Variants in LHFPL3 observed in about 807,000 individuals in gnomAD.
LHFPL3 encodes the protein LHFPL tetraspan subfamily member 3 protein.
Under a neutral mutation model 19.3 loss-of-function variants are expected in LHFPL3, and 5 were observed. That is an observed-to-expected ratio of 0.26 (90% CI 0.14 to 0.54). The LOEUF (loss-of-function observed/expected upper bound fraction) is 0.54. LHFPL3 is among the 20% of genes least tolerant of loss of function. The pLI is 0.94. For synonymous variants in LHFPL3, 133 were observed against 126.2 expected, an observed-to-expected ratio of 1.05 and a Z score of -0.36; for missense variants, 249 against 307.4, an observed-to-expected ratio of 0.81 and a Z score of 1.42.
intron 1 of LHFPL3, among the ~76,000 whole-genome samples, chr7:104,578,275 GC>G (rs1301442111): frequency 3.3e-5 from 5 of 152,196 alleles, no homozygotes; most frequent in Non-Finnish European, 7.3e-5. Flanking sequence ...GCTTAGCTGC[GC>G]TGTGATGGGC....
chr7:104,767,581 C>G (rs1326359024), intron 2 of LHFPL3, among the ~76,000 whole-genome samples: 1 of 152,148 alleles, frequency 6.6e-6, no homozygotes, highest in African/African-American at 2.4e-5. Flanking sequence ...TCTTAGCTTC[C>G]TTTCTTATAC....
intron 1 of LHFPL3, among the ~76,000 whole-genome samples, chr7:104,390,930 G>A (rs1173406817): frequency 6.6e-6 from 1 of 152,140 alleles, no homozygotes; most frequent in Non-Finnish European, 1.5e-5. Flanking sequence ...TTCTCTGATG[G>A]CCAGTGATGA....
intron 1 of LHFPL3, among the ~76,000 whole-genome samples, chr7:104,614,982 T>C (rs948945404): frequency 1.3e-5 from 2 of 151,976 alleles, no homozygotes; most frequent in Admixed American, 1.3e-4. Context: ...CTCAAACTCC[T>C]GGGCTCAAGC....
At chr7:104,588,692 A>G (rs528561923) in intron 1 of LHFPL3, among the ~76,000 whole-genome samples, 20 of 152,294 alleles carry the variant, frequency 1.3e-4, no homozygotes, top group African/African-American at 4.1e-4. Context: ...CATTGAATCT[A>G]TAAATTACCT....
chr7:104,643,327 C>A (rs1203809166), intron 1 of LHFPL3, among the ~76,000 whole-genome samples: 1 of 152,182 alleles, frequency 6.6e-6, no homozygotes, highest in African/African-American at 2.4e-5. Flanking sequence ...ACTCAGTTTT[C>A]TCATTTTTAA....
intron 1 of LHFPL3, among the ~76,000 whole-genome samples, chr7:104,555,259 T>G (rs1023124893): frequency 6.6e-6 from 1 of 152,208 alleles, no homozygotes; most frequent in African/African-American, 2.4e-5. Flanking sequence ...TTAGCCCTCA[T>G]TAATGGGATT....
rs186083007 is a variant in LHFPL3, at chr7:104,584,319, G to T, written c.446-152356G>T. On this transcript the variant is annotated intron_variant, in intron 1 of 2. Transcript: ENST00000424859. ...ACTAGGGACTGTTGTGGGGTGGGGG[G>T]AGAGGGGAGGGATAGCATTAGGAGA... is the stretch of plus-strand genomic sequence containing the variant. Among the ~76,000 whole-genome samples, 449 of 151,988 alleles carry T rather than the reference G, an allele frequency of 3.0e-3. 1 individual carries two copies. The highest frequency in any genetic ancestry group is 5.5e-3 in the Non-Finnish European group (371 of 67,972).
intron 1 of LHFPL3, among the ~76,000 whole-genome samples, chr7:104,330,611 A>G (rs1313409295): frequency 6.6e-6 from 1 of 152,146 alleles, no homozygotes; most frequent in Non-Finnish European, 1.5e-5. Context: ...TTGATTTGCC[A>G]TATATTGTAA....
At chr7:104,459,326 A>T (rs1792611857) in intron 1 of LHFPL3, among the ~76,000 whole-genome samples, 1 of 152,200 alleles carries the variant, frequency 6.6e-6, no homozygotes. Context: ...TCAGGATATT[A>T]ATGTACTCTT....
chr7:104,808,038 G>A (rs964605600), intron 2 of LHFPL3, among the ~76,000 whole-genome samples: 3 of 152,200 alleles, frequency 2.0e-5, no homozygotes, highest in Admixed American at 2.0e-4. Flanking sequence ...AGAGGGAGAG[G>A]TGGCATGATA....
At chr7:104,423,433 TG>T (rs1791773450) in intron 1 of LHFPL3, among the ~76,000 whole-genome samples, 1 of 151,998 alleles carries the variant, frequency 6.6e-6, no homozygotes, top group Non-Finnish European at 1.5e-5. Context: ...GGCAAAAAAG[TG>T]GGACCCTGTC....
chr7:104,474,846 C>A (rs17137948), intron 1 of LHFPL3, among the ~76,000 whole-genome samples: 67,089 of 151,840 alleles, frequency 0.44, 15,330 homozygotes, highest in African/African-American at 0.54. Flanking sequence ...GTGGGTTCTT[C>A]TTAGTGAAGG....
intron 1 of LHFPL3, among the ~76,000 whole-genome samples, chr7:104,657,580 A>C (rs1433600027): frequency 6.6e-6 from 1 of 152,242 alleles, no homozygotes; most frequent in Non-Finnish European, 1.5e-5. Context: ...ACTTTATTAG[A>C]GAAATTGAGG....
At chr7:104,698,566 G>A (rs1584486128) in intron 1 of LHFPL3, among the ~76,000 whole-genome samples, 1 of 152,212 alleles carries the variant, frequency 6.6e-6, no homozygotes, top group African/African-American at 2.4e-5. Flanking sequence ...CAAATCATGT[G>A]TATGATAAAG....
At chr7:104,893,469 C>A (rs1251915044) in intron 2 of LHFPL3, among the ~76,000 whole-genome samples, 1 of 151,718 alleles carries the variant, frequency 6.6e-6, no homozygotes, top group Non-Finnish European at 1.5e-5. Flanking sequence ...TTGCAGTGAG[C>A]CAAGATCACG....
intron 1 of LHFPL3, among the ~76,000 whole-genome samples, chr7:104,694,887 A>G (rs1307910627): frequency 6.6e-6 from 1 of 152,260 alleles, no homozygotes; most frequent in Non-Finnish European, 1.5e-5. Context: ...GAAGAGTGCT[A>G]CATGCAGCAC....
At chr7:104,896,694 A>G (rs1584604193) in intron 2 of LHFPL3, among the ~76,000 whole-genome samples, 1 of 151,872 alleles carries the variant, frequency 6.6e-6, no homozygotes, top group Admixed American at 6.6e-5. Flanking sequence ...GAGGTGGGAA[A>G]CCCCAGAGGA....
chr7:104,495,585 A>G (rs575120824), intron 1 of LHFPL3, among the ~76,000 whole-genome samples: 108 of 152,218 alleles, frequency 7.1e-4, no homozygotes, highest in South Asian at 2.3e-3. Context: ...GGGTTTCACC[A>G]TGTTAGCCAG....
At chr7:104,481,584 A>G (rs1348416467) in intron 1 of LHFPL3, among the ~76,000 whole-genome samples, 1 of 151,574 alleles carries the variant, frequency 6.6e-6, no homozygotes, top group Admixed American at 6.6e-5. Flanking sequence ...GTAATAAACT[A>G]TAAATCCCGG....
Sources: allele counts gnomAD v4.1 joint callset (sites outside exome capture counted in the v4.1 genomes callset), GRCh38; gene constraint gnomAD v4.1.1; transcripts MANE v1.5; gene names NCBI Gene and HGNC (gene_info 2026-07-23, HGNC 2026-07-21).